AP4M1: variants seen among roughly 807,000 people sequenced by gnomAD.
AP4M1 encodes the protein AP-4 complex subunit mu-1.
Under a neutral mutation model 62.4 loss-of-function variants are expected in AP4M1, and 58 were observed. The ratio of observed to expected loss-of-function variants is 0.93; its 90% CI spans 0.75 to 1.16. The LOEUF is 1.16. Among genes scored for constraint, AP4M1 ranks in the 50% most tolerant of loss-of-function variants. AP4M1 has a pLI of 0.00. For synonymous variants in AP4M1, 290 were observed against 239.7 expected (o/e 1.21, Z -1.94); for missense variants, 626 against 585.4 (o/e 1.07, Z -0.72).
chr7:100,101,478 T>A (rs1796027060), upstream of AP4M1: 1 of 827,666 alleles, frequency 1.2e-6, no homozygotes, highest in Non-Finnish European at 1.9e-6. Context: ...CACCTCCCGC[T>A]AGCCGCAAGC....
chr7:100,105,005 T>C, intron 8 of AP4M1, 40 bp from the exon 9 acceptor site: 2 of 1,614,008 alleles, frequency 1.2e-6, no homozygotes, highest in Non-Finnish European at 1.7e-6. Context: ...TCTTAAACCA[T>C]GGCATTGCTG....
Position 100,107,115 on chromosome 7 carries a change from A to G in AP4M1, c.*233A>G, listed in dbSNP as rs1009082499. 9 of 1,362,630 alleles carry G rather than the reference A, an allele frequency of 6.6e-6. No individual in the cohort carries two copies. The highest frequency in any genetic ancestry group is 5.0e-5 in the East Asian group (2 of 40,334). 84.4% of individuals were successfully genotyped at this position (1,362,630 alleles called of 1,614,324 possible). A position where few individuals can be genotyped will look rare whatever the true frequency, so the allele number is the denominator to read the frequency against. On this transcript the variant is annotated 3_prime_UTR_variant, in exon 15 of 15. Transcript: ENST00000359593. ...TTTTATTCTGAGAAACTGGCTGTAC[A>G]ATATCTAAAAAGAAAGTGACATGAA...
rs746394766 is a variant in AP4M1 at position 100,106,393 on chromosome 7, C to G, written c.1026-10C>G. On this transcript the variant is annotated splice_polypyrimidine_tract_variant and intron_variant, in intron 13 of 14. Transcript: ENST00000359593. Reference sequence around the variant, plus strand: ...TGCCAAGCCCAGCACCTTCCCTTTCCAAACTCCAGCCTGTCTCAGGAGCTG... The same window carrying G: ...TGCCAAGCCCAGCACCTTCCCTTTCGAAACTCCAGCCTGTCTCAGGAGCTG... 65 of 1,613,508 alleles carry G rather than the reference C, an allele frequency of 4.0e-5. No individual in the cohort carries two copies. Among genetic ancestry groups the G allele is most frequent in the Non-Finnish European group, 5.4e-5 (64 of 1,179,952 alleles).
At chr7:100,104,729 G>A (rs1796321361) in intron 7 of AP4M1, 145 bp from the exon 8 acceptor site, 3 of 871,414 alleles carry the variant, frequency 3.4e-6, no homozygotes, top group Admixed American at 1.8e-5. Flanking sequence ...TACTTGTGAG[G>A]CTGAGGCAGG....
upstream of AP4M1, chr7:100,101,284 T>G (rs1300153110): frequency 6.2e-7 from 1 of 1,613,186 alleles, no homozygotes; most frequent in African/African-American, 1.3e-5. Context: ...CGCGTAGTCC[T>G]TCAGTGCCAT....
At chr7:100,101,349 G>A (rs575243087), upstream of AP4M1, 66 of 1,610,062 alleles carry the variant, frequency 4.1e-5, no homozygotes, top group South Asian at 6.2e-4. Context: ...TTGCTCCTGG[G>A]GAAGCTGAGA....
At chr7:100,103,997 T>C in intron 6 of AP4M1, 95 bp from the exon 7 acceptor site, 2 of 1,113,304 alleles carry the variant, frequency 1.8e-6, no homozygotes, top group Non-Finnish European at 1.4e-6. Context: ...ACCCTAGAGC[T>C]GTAGCTTTGA....
At chr7:100,106,576 C>T (rs1359741428) in intron 14 of AP4M1, 62 bp downstream of exon 14, 9 of 1,551,440 alleles carry the variant, frequency 5.8e-6, no homozygotes, top group Non-Finnish European at 8.0e-6. Flanking sequence ...CCACCCCACC[C>T]TCCCGAAGCA....
chr7:100,103,060 C>CA, intron 4 of AP4M1, 100 bp downstream of exon 4: 1 of 729,782 alleles, frequency 1.4e-6, no homozygotes, highest in Non-Finnish European at 2.2e-6. Flanking sequence ...GCCAAGTCTA[C>CA]CTTTTTTTTT....
upstream of AP4M1, chr7:100,101,629 AG>A (rs897406420): frequency 1.9e-5 from 26 of 1,366,386 alleles, no homozygotes; most frequent in African/African-American, 3.4e-4. Context: ...TTAAAGGGCC[AG>A]CGCACACGCG....
intron 14 of AP4M1, 65 bp downstream of exon 14, chr7:100,106,579 C>CCCCCCCCA: frequency 6.4e-7 from 1 of 1,556,372 alleles, no homozygotes; most frequent in Non-Finnish European, 8.8e-7. Flanking sequence ...CCCCACCCTC[C>CCCCCCCCA]CGAAGCAGCT....
At chr7:100,101,573 C>G (rs1409529732), upstream of AP4M1, 2 of 935,708 alleles carry the variant, frequency 2.1e-6, no homozygotes, top group East Asian at 2.5e-5. Flanking sequence ...GTGCAGGCGC[C>G]GGGTTTCCCG....
rs1019273973 is a variant in AP4M1, at chr7:100,108,734, CA to C, written c.*1853del. 5.6e-6 allele frequency: 3 copies of C among 536,700 alleles called. No individual in the cohort carries two copies. In the Admixed American group the frequency reaches 1.0e-4, roughly 19 times the overall value. The allele number at this position is 536,700 out of a possible 1,614,324, so 33.2% of individuals were successfully genotyped here. The stretch of plus-strand genomic sequence containing the variant: ...GTGTACAGAACACTGTGGGCTTTCT[CA>C]TAAGAAAAGATGGGCACGGGGCCAG... On this transcript the variant is annotated 3_prime_UTR_variant, in exon 15 of 15. Coordinates refer to ENST00000359593, the MANE Select transcript of AP4M1 (RefSeq NM_004722.4).
chr7:100,100,958 C>T (rs968712170), upstream of AP4M1: 90 of 1,044,836 alleles, frequency 8.6e-5, no homozygotes, highest in Non-Finnish European at 1.0e-4. Flanking sequence ...TAAGACTCTC[C>T]TGAGGTCCTG....
chr7:100,101,482 C>A, upstream of AP4M1: 1 of 818,672 alleles, frequency 1.2e-6, no homozygotes, highest in Non-Finnish European at 2.0e-6. Flanking sequence ...TCCCGCTAGC[C>A]GCAAGCCAAT....
At chr7:100,101,607 G>A (rs1046666332), upstream of AP4M1, 3 of 1,202,964 alleles carry the variant, frequency 2.5e-6, no homozygotes, top group Admixed American at 5.4e-5. Flanking sequence ...CGCGGGCGGA[G>A]GAGAATCGCT....
In AP4M1 at chr7:100,102,104, G is replaced by A. The variant is rs952270443; in HGVS notation, c.147+136G>A. The A allele has an allele frequency of 7.1e-6, 7 of 990,388 alleles. No homozygotes were observed. The South Asian group carries it at 1.0e-4, about 15-fold the overall frequency. 61.4% of individuals were successfully genotyped at this position (990,388 alleles called of 1,614,324 possible). A position where few individuals can be genotyped will look rare whatever the true frequency, so the allele number is the denominator to read the frequency against. On this transcript the variant is annotated intron_variant, in intron 2 of 14. Coordinates refer to ENST00000359593, the MANE Select transcript of AP4M1 (RefSeq NM_004722.4). ...GCCAAATAAAGCTAACGTGAGGCCC[G>A]GCGCGGTGGCTCACGCCTGTAATCC...
intron 2 of AP4M1, chr7:100,102,448 C>T: frequency 1.7e-6 from 1 of 600,052 alleles, no homozygotes; most frequent in South Asian, 2.0e-5. Flanking sequence ...AGCAACACAC[C>T]AGGCCCAGCT....
At position 100,101,665 on chromosome 7, in the gene AP4M1, C is replaced by G. The variant is rs761231503; in HGVS notation, c.-50C>G. 1 of 1,546,802 alleles carries G rather than the reference C, an allele frequency of 6.5e-7. No homozygotes were observed. The highest frequency in any genetic ancestry group is 1.1e-5 in the South Asian group (1 of 89,640). On this transcript the variant is annotated 5_prime_UTR_variant, in exon 1 of 15. Coordinates refer to ENST00000359593, the MANE Select transcript of AP4M1 (RefSeq NM_004722.4). ...GTTCTTTTGTTCCGGGGCCGCAGGG[C>G]GGGGCAGGCCCGACTTTCGCCGTCT...
Sources: allele counts gnomAD v4.1 joint callset, GRCh38; gene constraint gnomAD v4.1.1; transcripts MANE v1.5; gene names NCBI Gene and HGNC (gene_info 2026-07-23, HGNC 2026-07-21).